RBM6: variants seen among roughly 807,000 people sequenced by gnomAD.
The protein encoded by RBM6 is RNA binding motif protein 6.
RBM6 carries 23 observed loss-of-function variants against 140.4 expected under a neutral mutation model. That is an observed-to-expected ratio of 0.16 (90% CI 0.12 to 0.23). RBM6 has a LOEUF of 0.23. Ranked by LOEUF, RBM6 falls within the 10% of genes least tolerant of loss-of-function variation. The pLI is 1.00. For synonymous variants in RBM6, 439 were observed against 475.6 expected (o/e 0.92, Z 1.00); for missense variants, 1,139 against 1,386.7 (o/e 0.82, Z 2.84).
rs375034352 is a variant in RBM6, at chr3:50,011,495, G to A, written c.1557+11982G>A. Among the ~76,000 whole-genome samples, 18 of 152,274 alleles carry A rather than the reference G, an allele frequency of 1.2e-4. No homozygotes were observed. In the East Asian group the frequency reaches 2.3e-3, roughly 20 times the overall value. ...TAGGGGAGATTCCTGTAATCGGATG[G>A]TTTGTAGTTGTCAATGTAGACCTTT... On this transcript the variant is annotated intron_variant, in intron 6 of 20. Transcript: ENST00000266022.
intron 1 of RBM6, among the ~76,000 whole-genome samples, chr3:49,955,200 T>A (rs1326733940): frequency 1.7e-5 from 2 of 114,692 alleles, no homozygotes; most frequent in Non-Finnish European, 3.3e-5. Context: ...TGAGTCTCGC[T>A]CTGTTGCCCA....
Position 49,948,464 on chromosome 3 carries a change from C to T in RBM6, c.-67+8239C>T, listed in dbSNP as rs150329572. On this transcript the variant is annotated intron_variant, in intron 1 of 20. Transcript: ENST00000266022. ...GCTTGAGGCCTGGTGCTGTGGCTCA[C>T]GCCTGTAATCCCAGCACTTTGGGAG... Among the ~76,000 whole-genome samples the T allele has an allele frequency of 7.1e-3, 1,087 of 152,044 alleles. 15 individuals carry two copies. Among genetic ancestry groups the T allele is most frequent in the African/African-American group, 0.025 (1,035 of 41,458 alleles).
At chr3:50,049,293 G>A (rs550877035) in intron 7 of RBM6, among the ~76,000 whole-genome samples, 1 of 151,740 alleles carries the variant, frequency 6.6e-6, no homozygotes, top group Admixed American at 6.6e-5. Flanking sequence ...GTAGTTTTTA[G>A]TAGAGATGGG....
At chr3:49,989,007 A>G (rs1189300369) in intron 5 of RBM6, among the ~76,000 whole-genome samples, 1 of 152,158 alleles carries the variant, frequency 6.6e-6, no homozygotes, top group Non-Finnish European at 1.5e-5. Context: ...GTGGACTAGC[A>G]GGAATTCATA....
At chr3:49,998,769 A>G (rs1183163622) in intron 5 of RBM6, among the ~76,000 whole-genome samples, 1 of 152,216 alleles carries the variant, frequency 6.6e-6, no homozygotes. Flanking sequence ...ACAATTTTGG[A>G]CATAGTTATT....
At chr3:50,059,454 C>A in intron 10 of RBM6, 195 bp from the exon 11 acceptor site, 1 of 464,728 alleles carries the variant, frequency 2.2e-6, no homozygotes, top group African/African-American at 2.0e-5. Flanking sequence ...GATTCCTGTT[C>A]CAATCAGTCC....
At chr3:50,012,649 G>A (rs1349771653) in intron 6 of RBM6, among the ~76,000 whole-genome samples, 6 of 151,780 alleles carry the variant, frequency 4.0e-5, no homozygotes, top group Non-Finnish European at 7.4e-5. Context: ...GAGCCACCGT[G>A]CCTGGCCCAT....
intron 5 of RBM6, among the ~76,000 whole-genome samples, chr3:49,982,833 C>A (rs1443184138): frequency 6.6e-6 from 1 of 151,924 alleles, no homozygotes; most frequent in Non-Finnish European, 1.5e-5. Context: ...CCTGCCTCAG[C>A]CTCCCTAGTA....
intron 19 of RBM6, among the ~76,000 whole-genome samples, chr3:50,073,422 T>A (rs2090365275): frequency 6.6e-6 from 1 of 152,158 alleles, no homozygotes; most frequent in Admixed American, 6.6e-5. Context: ...GAAACCAGAC[T>A]AATCATTTTA....
chr3:50,061,805 G>A (rs2089953799), intron 14 of RBM6, 157 bp from the exon 15 acceptor site: 1 of 1,252,432 alleles, frequency 8.0e-7, no homozygotes, highest in Admixed American at 2.9e-5. Flanking sequence ...ATGTGTCCTG[G>A]TCCCTGGAGT....
chr3:49,973,632 C>G (rs1372927738), intron 4 of RBM6, among the ~76,000 whole-genome samples: 1 of 146,728 alleles, frequency 6.8e-6, no homozygotes, highest in Non-Finnish European at 1.5e-5. Flanking sequence ...GTCACCCAGG[C>G]TGGAGTGCAG....
At chr3:49,951,381 T>TTG (rs2083721506) in intron 1 of RBM6, among the ~76,000 whole-genome samples, 1 of 150,456 alleles carries the variant, frequency 6.6e-6, no homozygotes, top group African/African-American at 2.5e-5. Context: ...TCCGGCTGAT[T>TTG]TGTGTGTGTG....
At chr3:50,051,421 C>T (rs2089461805) in intron 7 of RBM6, among the ~76,000 whole-genome samples, 1 of 152,192 alleles carries the variant, frequency 6.6e-6, no homozygotes, top group Admixed American at 6.5e-5. Context: ...GCAGGCGGAT[C>T]ATCTGAGGTC....
chr3:50,061,274 C>T, intron 13 of RBM6, 53 bp downstream of exon 13: 1 of 1,610,978 alleles, frequency 6.2e-7, no homozygotes, highest in Non-Finnish European at 8.5e-7. Flanking sequence ...ACTTGCTACT[C>T]ATTACTTGAC....
intron 18 of RBM6, among the ~76,000 whole-genome samples, chr3:50,068,978 T>G (rs1276690159): frequency 2.6e-5 from 4 of 152,238 alleles, no homozygotes; most frequent in African/African-American, 9.6e-5. Flanking sequence ...GATATCTTTT[T>G]TAAAAGGTGG....
intron 6 of RBM6, among the ~76,000 whole-genome samples, chr3:50,025,550 A>G (rs918374552): frequency 6.9e-6 from 1 of 145,198 alleles, no homozygotes; most frequent in Non-Finnish European, 1.5e-5. Context: ...TCTGTCTGCC[A>G]CCTAGAAATT....
At chr3:50,022,720 G>T (rs887990847) in intron 6 of RBM6, among the ~76,000 whole-genome samples, 21 of 152,062 alleles carry the variant, frequency 1.4e-4, no homozygotes, top group African/African-American at 4.8e-4. Context: ...GTGACTTGTT[G>T]GTTCTTAATA....
chr3:50,007,193 T>G (rs1345462282), intron 6 of RBM6, among the ~76,000 whole-genome samples: 1 of 151,426 alleles, frequency 6.6e-6, no homozygotes. Flanking sequence ...GTTGGAGTTT[T>G]TTTTTTTTTT....
rs564132400 is a variant in RBM6 at position 50,008,982 on chromosome 3, G to A, written c.1557+9469G>A. ...AAGTGATCAGCATGATAACTGGCAT[G>A]TGGTAAGTGCTCTGTAGTAAAGGGT... On this transcript the variant is annotated intron_variant, in intron 6 of 20. Coordinates refer to ENST00000266022, the MANE Select transcript of RBM6 (RefSeq NM_005777.3). Among the ~76,000 whole-genome samples, 12 of 152,360 alleles carry A rather than the reference G, an allele frequency of 7.9e-5. No homozygotes were observed. The South Asian group carries it at 2.5e-3, about 32-fold the overall frequency.
Sources: allele counts gnomAD v4.1 joint callset (sites outside exome capture counted in the v4.1 genomes callset), GRCh38; gene constraint gnomAD v4.1.1; transcripts MANE v1.5; gene names NCBI Gene and HGNC (gene_info 2026-07-23, HGNC 2026-07-21).